NUFIP2: variants seen among roughly 807,000 people sequenced by gnomAD.
NUFIP2 encodes FMR1-interacting protein NUFIP2.
A neutral mutation model predicts 56.9 loss-of-function variants in NUFIP2; 6 were observed. The observed-to-expected ratio is 0.11, with a 90% confidence interval of 0.06 to 0.21. The LOEUF (loss-of-function observed/expected upper bound fraction) is 0.21, where lower values mean the gene tolerates loss of function less well. Ranked by LOEUF, NUFIP2 falls within the 10% of genes least tolerant of loss-of-function variation. NUFIP2 has a pLI of 1.00. For missense variants in NUFIP2, 828 were observed against 826.8 expected, an observed-to-expected ratio of 1.00 and a Z score of -0.02; for synonymous variants, 321 against 298.2, an observed-to-expected ratio of 1.08 and a Z score of -0.79.
At chr17:29,291,544 C>T (rs2069213529) in intron 1 of NUFIP2, among the ~76,000 whole-genome samples, 1 of 152,210 alleles carries the variant, frequency 6.6e-6, no homozygotes, top group Non-Finnish European at 1.5e-5. Context: ...TTCCAGTTTC[C>T]TCCTCTTTAT....
Position 29,258,983 on chromosome 17 carries a change from T to C in NUFIP2, c.*5556A>G, listed in dbSNP as rs1244426929. 1.3e-5 allele frequency: 2 copies of C among 151,992 alleles called. No individual in the cohort carries two copies. Among genetic ancestry groups the C allele is most frequent in the Non-Finnish European group, 2.9e-5 (2 of 68,024 alleles). The allele number at this position is 151,992 out of a possible 1,614,324, so 9.4% of individuals were successfully genotyped here. Reference sequence around the variant, plus strand: ...AGGATAAATGAAAACAGATTAATAATAGACAAACAGGGTAAACTAAAGGCA... The same window carrying C: ...AGGATAAATGAAAACAGATTAATAACAGACAAACAGGGTAAACTAAAGGCA... On this transcript the variant is annotated 3_prime_UTR_variant, in exon 4 of 4. Coordinates refer to ENST00000225388, the MANE Select transcript of NUFIP2 (RefSeq NM_020772.3).
Position 29,264,582 on chromosome 17 carries a change from C to A in NUFIP2, c.2045G>T (p.Arg682Met). The A allele has an allele frequency of 6.3e-7, 1 of 1,595,468 alleles. No individual in the cohort carries two copies. The highest frequency in any genetic ancestry group is 8.6e-7 in the Non-Finnish European group (1 of 1,163,796). ...IWNLQKQDPKRIITYNEAMDS... is the reference protein window; with the variant it reads ...IWNLQKQDPKMIITYNEAMDS... ...CATGGCTTCATTGTAAGTGATTATC[C>A]TTTTGGGATCTAGAAAGGTTAAAAA... is the stretch of plus-strand genomic sequence containing the variant. Residue 682 changes from arginine (R) to methionine (M), a missense_variant, in exon 4 of 4, where the codon AGG becomes ATG. This residue lies in a region of NUFIP2 where 404 missense variants were observed against 380.3 expected (regional missense o/e 1.06). Transcript: ENST00000225388.
chr17:29,292,238 A>T (rs906647801), intron 1 of NUFIP2, among the ~76,000 whole-genome samples: 1 of 152,114 alleles, frequency 6.6e-6, no homozygotes, highest in Non-Finnish European at 1.5e-5. Flanking sequence ...GTAGTAGTCT[A>T]ACCTCATGGA....
At chr17:29,274,766 TGAACA>T (rs1242496587) in intron 2 of NUFIP2, among the ~76,000 whole-genome samples, 4 of 151,942 alleles carry the variant, frequency 2.6e-5, no homozygotes, top group African/African-American at 4.8e-5. Context: ...TTCCAGGTAA[TGAACA>T]GAACAGATGA....
Position 29,287,366 on chromosome 17 carries a change from CATT to C in NUFIP2, c.625_627del (p.Asn209del), listed in dbSNP as rs2069183976. The C allele has an allele frequency of 6.2e-7, 1 of 1,614,136 alleles. No homozygotes were observed. Among genetic ancestry groups the C allele is most frequent in the Non-Finnish European group, 8.5e-7 (1 of 1,180,016 alleles). ...TATCCGCTCTCAGATCCACTACCAT[CATT>C]ATCTGCTCCTTTACCCATATAACCA... On this transcript the variant is annotated inframe_deletion, in exon 2 of 4. Coordinates refer to ENST00000225388, the MANE Select transcript of NUFIP2 (RefSeq NM_020772.3).
intron 1 of NUFIP2, among the ~76,000 whole-genome samples, chr17:29,292,567 C>T (rs1278664287): frequency 1.3e-5 from 2 of 151,494 alleles, no homozygotes; most frequent in African/African-American, 4.8e-5. Flanking sequence ...CCCCACCCGG[C>T]CTCAGGCACC....
In NUFIP2 at chr17:29,260,319, A is replaced by G. The variant is rs1415322491; in HGVS notation, c.*4220T>C. On this transcript the variant is annotated 3_prime_UTR_variant, in exon 4 of 4. Transcript: ENST00000225388. ...TGTGGCATCAACCAATCTGACCATAATGACCATTATATTTGTCCCATAACA... is the reference window on the plus strand; with the variant it reads ...TGTGGCATCAACCAATCTGACCATAGTGACCATTATATTTGTCCCATAACA... The G allele has an allele frequency of 6.6e-6, 1 of 152,192 alleles. No individual in the cohort carries two copies. The highest frequency in any genetic ancestry group is 1.5e-5 in the Non-Finnish European group (1 of 68,030). 9.4% of individuals were successfully genotyped at this position (152,192 alleles called of 1,614,324 possible).
At chr17:29,265,403 C>G (rs1407335397) in intron 3 of NUFIP2, among the ~76,000 whole-genome samples, 1 of 145,992 alleles carries the variant, frequency 6.8e-6, no homozygotes, top group African/African-American at 2.5e-5. Context: ...CCCGGGTTCA[C>G]GCCATTCTCC....
intron 2 of NUFIP2, among the ~76,000 whole-genome samples, chr17:29,274,131 CA>C (rs2069093256): frequency 6.6e-6 from 1 of 152,188 alleles, no homozygotes; most frequent in Non-Finnish European, 1.5e-5. Flanking sequence ...TGTGCTTTAA[CA>C]AGGTGTGTTT....
intron 3 of NUFIP2, among the ~76,000 whole-genome samples, chr17:29,267,048 C>T (rs868089484): frequency 5.9e-5 from 9 of 151,678 alleles, no homozygotes; most frequent in African/African-American, 2.2e-4. Flanking sequence ...GAATTACAGG[C>T]GCCTGCCACC....
At chr17:29,275,596 C>G (rs1395679762) in intron 2 of NUFIP2, among the ~76,000 whole-genome samples, 1 of 152,146 alleles carries the variant, frequency 6.6e-6, no homozygotes, top group Non-Finnish European at 1.5e-5. Context: ...TTCTCCAGCC[C>G]AATGTCATTG....
At chr17:29,273,274 G>A (rs1052408405) in intron 2 of NUFIP2, among the ~76,000 whole-genome samples, 42 of 151,878 alleles carry the variant, frequency 2.8e-4, no homozygotes, top group African/African-American at 9.7e-4. Flanking sequence ...TCCTGACCTC[G>A]TGATCCACCC....
chr17:29,278,293 C>T (rs936839601), intron 2 of NUFIP2, among the ~76,000 whole-genome samples: 1 of 151,844 alleles, frequency 6.6e-6, no homozygotes, highest in Non-Finnish European at 1.5e-5. Flanking sequence ...GTCCCCCAGG[C>T]TAGACTGCAG....
intron 1 of NUFIP2, among the ~76,000 whole-genome samples, chr17:29,292,789 T>C (rs1446982287): frequency 1.4e-4 from 20 of 138,572 alleles, no homozygotes; most frequent in East Asian, 2.2e-4. Context: ...CGTGGCCGCT[T>C]CCCTCCCCCA....
rs1567673149 is a variant in NUFIP2 at position 29,258,546 on chromosome 17, TG to T, written c.*5992del. On this transcript the variant is annotated 3_prime_UTR_variant, in exon 4 of 4. Transcript: ENST00000225388. Reference sequence around the variant, plus strand: ...AGCCATTCTTCCCAATTCCTCTTTCTGAGGCAGAGAGAGGGAATAATAGAAA... The same window carrying T: ...AGCCATTCTTCCCAATTCCTCTTTCTAGGCAGAGAGAGGGAATAATAGAAA... 1 of 152,206 alleles carries T rather than the reference TG, an allele frequency of 6.6e-6. No homozygotes were observed. Among genetic ancestry groups the T allele is most frequent in the Admixed American group, 6.5e-5 (1 of 15,274 alleles). 9.4% of individuals were successfully genotyped at this position (152,206 alleles called of 1,614,324 possible). A position where few individuals can be genotyped will look rare whatever the true frequency, so the allele number is the denominator to read the frequency against.
At position 29,259,754 on chromosome 17, in the gene NUFIP2, A is replaced by G. The variant is rs1343446649; in HGVS notation, c.*4785T>C. On this transcript the variant is annotated 3_prime_UTR_variant, in exon 4 of 4. Coordinates refer to ENST00000225388, the MANE Select transcript of NUFIP2 (RefSeq NM_020772.3). ...CTGATTTACCATTCCCAATAATGCA[A>G]GAGCAACATACCAATCATGCTGCAA... is the stretch of plus-strand genomic sequence containing the variant. 2.0e-5 allele frequency: 3 copies of G among 152,248 alleles called. No individual in the cohort carries two copies. Among genetic ancestry groups the G allele is most frequent in the Non-Finnish European group, 4.4e-5 (3 of 68,044 alleles). The allele number at this position is 152,248 out of a possible 1,614,324, so 9.4% of individuals were successfully genotyped here. A position where few individuals can be genotyped will look rare whatever the true frequency, so the allele number is the denominator to read the frequency against.
At chr17:29,284,157 C>A (rs554418322) in intron 2 of NUFIP2, among the ~76,000 whole-genome samples, 1 of 152,160 alleles carries the variant, frequency 6.6e-6, no homozygotes, top group Non-Finnish European at 1.5e-5. Context: ...TAAGTCACTG[C>A]CTAAATGAGC....
At chr17:29,292,668 C>T (rs2153013117) in intron 1 of NUFIP2, among the ~76,000 whole-genome samples, 2 of 149,698 alleles carry the variant, frequency 1.3e-5, no homozygotes, top group East Asian at 2.0e-4. Context: ...CCTTCCCTCT[C>T]AGCTCCGCTT....
rs143704595 is a variant in NUFIP2, at chr17:29,284,177, A to T, written c.2002+1815T>A. Among the ~76,000 whole-genome samples the T allele has an allele frequency of 5.6e-3, 858 of 152,282 alleles. 5 individuals carry two copies. Among genetic ancestry groups the T allele is most frequent in the African/African-American group, 0.02 (824 of 41,560 alleles). On this transcript the variant is annotated intron_variant, in intron 2 of 3. Transcript: ENST00000225388. Reference sequence around the variant, plus strand: ...CACTGCCTAAATGAGCCACTGTTAAAATGGGAATGTGCACTATGTATTAAG... The same window carrying T: ...CACTGCCTAAATGAGCCACTGTTAATATGGGAATGTGCACTATGTATTAAG...
Sources: gnomAD v4.1 joint callset for allele counts (sites outside exome capture counted in the v4.1 genomes callset) on GRCh38, gnomAD v4.1.1 for gene constraint, gnomAD v4.1.1 regional missense constraint, MANE v1.5 for transcripts, NCBI Gene and HGNC (gene_info 2026-07-23, HGNC 2026-07-21) for gene names.